COL27A1: variants seen among roughly 807,000 people sequenced by gnomAD.
COL27A1 encodes collagen type XXVII alpha 1 chain.
A neutral mutation model predicts 251.3 loss-of-function variants in COL27A1; 106 were observed. That is an observed-to-expected ratio of 0.42 (90% CI 0.36 to 0.50). The LOEUF (loss-of-function observed/expected upper bound fraction) is 0.50, where lower values mean the gene tolerates loss of function less well. Among genes scored for constraint, COL27A1 ranks in the 20% least tolerant of loss-of-function variants. The pLI is 0.00. For missense variants in COL27A1, 2,325 were observed against 2,522.8 expected (o/e 0.92, Z 1.68); for synonymous variants, 1,000 against 986.3 (o/e 1.01, Z -0.26).
At chr9:114,278,269 ATG>A (rs2135679232) in intron 37 of COL27A1, among the ~76,000 whole-genome samples, 1 of 135,908 alleles carries the variant, frequency 7.4e-6, no homozygotes, top group African/African-American at 2.8e-5. Context: ...GGTGATGATG[ATG>A]AAGATGATGG....
Position 114,264,401 on chromosome 9 carries a change from G to A in COL27A1, c.3242G>A (p.Gly1081Asp). The A allele has an allele frequency of 6.3e-7, 1 of 1,587,714 alleles. No individual in the cohort carries two copies. The highest frequency in any genetic ancestry group is 2.3e-5 in the East Asian group (1 of 43,950). ...CCAGCTGGGGAGCAAGGGTCCAGGG[G>A]CCTGAAGGTACCGACCCCTAGGACC... ...DGPAGEQGSRGLKGPPGPQGR... is the reference protein window; with the variant it reads ...DGPAGEQGSRDLKGPPGPQGR... The change falls in exon 29 of 61, where the codon GGC becomes GAC. Residue 1081 changes from glycine to aspartate, a missense_variant. Gly to Asp is a moderately conservative substitution (Grantham distance 94, BLOSUM62 -1). Around this residue, in one of 4 missense-constraint regions of COL27A1, gnomAD observed 662 missense variants for 795.3 expected, o/e 0.83. Transcript: ENST00000356083.
intron 11 of COL27A1, among the ~76,000 whole-genome samples, chr9:114,210,029 C>G (rs1392014163): frequency 6.6e-6 from 1 of 152,152 alleles, no homozygotes; most frequent in African/African-American, 2.4e-5. Context: ...GGGGCAATGT[C>G]TTAGGTGCCC....
Position 114,178,293 on chromosome 9 carries a change from T to C in COL27A1, c.1911T>C (p.Gly637=), listed in dbSNP as rs1272426516. ...PGPKGDCGLP[G]PPGLPGLPGI... ...CTGTCTTCTTGTTTTCTCCTCAGGG[T>C]CCCCCTGGGCTACCTGGGCTACCTG... The change falls in exon 4 of 61, where the codon GGT becomes GGC. Residue 637 remains glycine, a splice_region_variant and synonymous_variant. Transcript: ENST00000356083. The C allele has an allele frequency of 6.2e-7, 1 of 1,613,636 alleles. No individual in the cohort carries two copies. The highest frequency in any genetic ancestry group is 8.5e-7 in the Non-Finnish European group (1 of 1,179,650).
chr9:114,156,091 G>T, intron 1 of COL27A1, 79 bp downstream of exon 1: 1 of 1,288,760 alleles, frequency 7.8e-7, no homozygotes, highest in Non-Finnish European at 9.9e-7. Flanking sequence ...TCCCCGCCAT[G>T]CGGTCGCTTC....
chr9:114,193,018 C>T (rs993049176), intron 5 of COL27A1, among the ~76,000 whole-genome samples: 12 of 149,738 alleles, frequency 8.0e-5, no homozygotes, highest in African/African-American at 2.0e-4. Flanking sequence ...TGTGTGTGCA[C>T]GTGTATGTGT....
At chr9:114,282,585 G>A (rs752374079) in intron 39 of COL27A1, 21 bp downstream of exon 39, 1 of 1,450,590 alleles carries the variant, frequency 6.9e-7, no homozygotes. Context: ...TCTGGCTGGG[G>A]TGGGGGAGTC....
chr9:114,294,360 A>T (rs1387803788), intron 49 of COL27A1, among the ~76,000 whole-genome samples: 1 of 152,086 alleles, frequency 6.6e-6, no homozygotes, highest in African/African-American at 2.4e-5. Context: ...TTCTACCCTG[A>T]TGTCAAAGCC....
chr9:114,241,842 T>G (rs1344102902), intron 21 of COL27A1, among the ~76,000 whole-genome samples: 1 of 152,196 alleles, frequency 6.6e-6, no homozygotes, highest in Admixed American at 6.5e-5. Flanking sequence ...GAGGCTGAGG[T>G]CTGCCAGTGA....
chr9:114,253,381 GAAAGAA>G lies in COL27A1; in HGVS notation c.3141+453_3141+458del, dbSNP rs1411060587. 2.5e-3 allele frequency among the ~76,000 whole-genome samples: 230 copies of G among 91,544 alleles called. 5 individuals are homozygous for G. In the East Asian group the frequency reaches 0.12, roughly 46 times the overall value. The allele number at this position is 91,544 out of a possible 152,430, so 60.1% of individuals were successfully genotyped here. On this transcript the variant is annotated intron_variant, in intron 27 of 60. Transcript: ENST00000356083. ...GAGGAAGAAAGAAAGACGAAAGAAA[GAAAGAA>G]AAAAGAAAGAGGAAAAAAGACAGAA...
chr9:114,269,162 C>G, intron 34 of COL27A1, 79 bp from the exon 35 acceptor site: 2 of 958,130 alleles, frequency 2.1e-6, no homozygotes, highest in Non-Finnish European at 1.5e-6. Flanking sequence ...AAAGTCAGAG[C>G]TGGTGGAAAC....
chr9:114,177,187 C>T (rs1422685925), intron 3 of COL27A1, among the ~76,000 whole-genome samples: 1 of 152,190 alleles, frequency 6.6e-6, no homozygotes, highest in African/African-American at 2.4e-5. Flanking sequence ...GGAGGAACTG[C>T]AGGAAGTGTG....
At chr9:114,177,328 C>T (rs192131752) in intron 3 of COL27A1, among the ~76,000 whole-genome samples, 5 of 152,268 alleles carry the variant, frequency 3.3e-5, no homozygotes, top group Admixed American at 6.5e-5. Context: ...AAATGCTGAG[C>T]TTCAGGGTTA....
intron 3 of COL27A1, among the ~76,000 whole-genome samples, chr9:114,174,502 G>C (rs1849547744): frequency 6.6e-6 from 1 of 152,184 alleles, no homozygotes. Flanking sequence ...AATATACCCT[G>C]TCCTCCCTTC....
At chr9:114,188,106 G>A (rs1004658032) in intron 5 of COL27A1, among the ~76,000 whole-genome samples, 1 of 152,202 alleles carries the variant, frequency 6.6e-6, no homozygotes, top group Non-Finnish European at 1.5e-5. Context: ...GTACAGCTCC[G>A]TGACTGCTCC....
Position 114,290,769 on chromosome 9 carries a change from G to C in COL27A1, c.4369-41G>C. Reference sequence around the variant, plus strand: ...AGCCATCTGCTTCCTTGGCTGTATCGTGAAACACAAGAGACCCTCCTCTGC... The same window carrying C: ...AGCCATCTGCTTCCTTGGCTGTATCCTGAAACACAAGAGACCCTCCTCTGC... On this transcript the variant is annotated intron_variant, in intron 47 of 60. Coordinates refer to ENST00000356083, the MANE Select transcript of COL27A1 (RefSeq NM_032888.4). The surrounding 1 kb of genome is among the most constrained non-coding windows in gnomAD (Gnocchi z 4.6). The C allele has an allele frequency of 6.9e-7, 1 of 1,455,296 alleles. No individual in the cohort carries two copies. The allele number at this position is 1,455,296 out of a possible 1,614,324, so 90.1% of individuals were successfully genotyped here.
intron 12 of COL27A1, among the ~76,000 whole-genome samples, chr9:114,216,871 C>T (rs910720083): frequency 6.6e-6 from 1 of 152,128 alleles, no homozygotes; most frequent in African/African-American, 2.4e-5. Context: ...TGCACATTAG[C>T]TCAGGGCTCT....
intron 40 of COL27A1, 25 bp from the exon 41 acceptor site, chr9:114,284,699 T>G: frequency 6.2e-7 from 1 of 1,613,306 alleles, no homozygotes; most frequent in East Asian, 2.2e-5. Flanking sequence ...TCATTCTCAC[T>G]TCCCTCCTTC....
intron 7 of COL27A1, among the ~76,000 whole-genome samples, chr9:114,200,316 T>C (rs562252238): frequency 6.6e-6 from 1 of 152,338 alleles, no homozygotes; most frequent in East Asian, 1.9e-4. Flanking sequence ...CAGTTTACAA[T>C]GTCACCTCCT....
intron 13 of COL27A1, 53 bp downstream of exon 13, chr9:114,219,897 G>A (rs1312429886): frequency 1.5e-6 from 2 of 1,370,048 alleles, no homozygotes; most frequent in Admixed American, 3.4e-5. Flanking sequence ...TGAACACACA[G>A]CAGATTTTAG....
Sources: allele counts gnomAD v4.1 joint callset (sites outside exome capture counted in the v4.1 genomes callset), GRCh38; gene constraint gnomAD v4.1.1; regional missense constraint gnomAD v4.1.1; non-coding constraint Gnocchi (gnomAD v3.1); transcripts MANE v1.5; gene names NCBI Gene and HGNC (gene_info 2026-07-23, HGNC 2026-07-21).